PTPRZ1: variants seen among roughly 807,000 people sequenced by gnomAD.
The protein encoded by PTPRZ1 is protein tyrosine phosphatase receptor type Z1.
Under a neutral mutation model 214.1 loss-of-function variants are expected in PTPRZ1, and 82 were observed. That is an observed-to-expected ratio of 0.38 (90% CI 0.32 to 0.46). PTPRZ1 has a LOEUF of 0.46. PTPRZ1 is among the 20% of genes least tolerant of loss of function. The pLI is 1.00. For synonymous variants in PTPRZ1, 945 were observed against 987.9 expected (o/e 0.96, Z 0.81); for missense variants, 2,603 against 2,748.7 (o/e 0.95, Z 1.19).
intron 6 of PTPRZ1, among the ~76,000 whole-genome samples, chr7:121,982,828 C>T (rs577287024): frequency 3.2e-4 from 48 of 151,874 alleles, no homozygotes; most frequent in Non-Finnish European, 5.7e-4. Flanking sequence ...GGCTGGAGTG[C>T]GGTGGCGCCA....
At chr7:121,903,969 C>CACACAA (rs149922717) in intron 1 of PTPRZ1, among the ~76,000 whole-genome samples, 19 of 142,294 alleles carry the variant, frequency 1.3e-4, no homozygotes, top group Non-Finnish European at 2.6e-4. Context: ...TTAAATCTCA[C>CACACAA]ACACACACAC....
intron 8 of PTPRZ1, among the ~76,000 whole-genome samples, chr7:121,991,402 A>C (rs578003494): frequency 4.2e-4 from 64 of 152,350 alleles, no homozygotes; most frequent in Admixed American, 1.4e-3. Context: ...TAATATATTT[A>C]ATACAAACTT....
intron 1 of PTPRZ1, among the ~76,000 whole-genome samples, chr7:121,926,997 T>C (rs55767212): frequency 0.2 from 29,676 of 152,140 alleles, 3,067 homozygotes; most frequent in Admixed American, 0.24. Flanking sequence ...GCCTGCCTTT[T>C]AGTTTTTATA....
chr7:122,037,054 C>T (rs963078068), intron 18 of PTPRZ1, among the ~76,000 whole-genome samples: 6 of 151,914 alleles, frequency 3.9e-5, no homozygotes, highest in East Asian at 1.9e-4. Context: ...AGGCGGATCA[C>T]GAGGTCAGAA....
At chr7:121,995,378 C>T (rs1287292164) in intron 8 of PTPRZ1, among the ~76,000 whole-genome samples, 1 of 152,084 alleles carries the variant, frequency 6.6e-6, no homozygotes, top group Non-Finnish European at 1.5e-5. Context: ...TCTTTCTCTC[C>T]CTCTGCTTTG....
At chr7:121,914,920 G>A (rs1038816385) in intron 1 of PTPRZ1, among the ~76,000 whole-genome samples, 4 of 152,134 alleles carry the variant, frequency 2.6e-5, no homozygotes, top group Non-Finnish European at 4.4e-5. Flanking sequence ...TTCTTGTTAC[G>A]TCTACAATTA....
intron 27 of PTPRZ1, among the ~76,000 whole-genome samples, chr7:122,055,793 A>G (rs575874099): frequency 4.8e-4 from 73 of 152,072 alleles, no homozygotes; most frequent in Admixed American, 3.7e-3. Context: ...TGAGATTCAG[A>G]GTACCTTCTC....
At chr7:121,952,204 G>C (rs1796567913) in intron 2 of PTPRZ1, among the ~76,000 whole-genome samples, 1 of 151,974 alleles carries the variant, frequency 6.6e-6, no homozygotes, top group Non-Finnish European at 1.5e-5. Context: ...GTGATTGGCC[G>C]GCCTCGGCCT....
intron 1 of PTPRZ1, among the ~76,000 whole-genome samples, chr7:121,903,891 A>T (rs1795039765): frequency 6.6e-6 from 1 of 152,196 alleles, no homozygotes; most frequent in Non-Finnish European, 1.5e-5. Flanking sequence ...ACAAAATAGC[A>T]GAATAAATTA....
At chr7:122,044,990 T>C (rs1799844194) in intron 23 of PTPRZ1, among the ~76,000 whole-genome samples, 1 of 152,000 alleles carries the variant, frequency 6.6e-6, no homozygotes, top group Non-Finnish European at 1.5e-5. Context: ...TTGAAACCCC[T>C]GGACCAAAGT....
At chr7:121,909,284 A>C (rs1261366710) in intron 1 of PTPRZ1, among the ~76,000 whole-genome samples, 2 of 152,134 alleles carry the variant, frequency 1.3e-5, no homozygotes, top group Admixed American at 1.3e-4. Flanking sequence ...CATGGGATTC[A>C]GGAAACCAGA....
intron 8 of PTPRZ1, among the ~76,000 whole-genome samples, chr7:121,988,222 G>A (rs1025477641): frequency 6.6e-6 from 1 of 152,094 alleles, no homozygotes; most frequent in Non-Finnish European, 1.5e-5. Context: ...CCCTTCGTTT[G>A]CCAAAACATA....
At position 121,972,699 on chromosome 7, in the gene PTPRZ1, C is replaced by T. The variant is rs1563044599; in HGVS notation, c.456+7C>T. The T allele has an allele frequency of 6.3e-7, 1 of 1,595,934 alleles. No homozygotes were observed. The highest frequency in any genetic ancestry group is 1.7e-5 in the Admixed American group (1 of 58,476). ...ACAAAAATTTCCACTTGAGGTAAGT[C>T]AGGAGATCTGCTGTGTACTATTTTA... is the stretch of plus-strand genomic sequence containing the variant. On this transcript the variant is annotated splice_region_variant and intron_variant, in intron 4 of 29. Transcript: ENST00000393386.
In PTPRZ1 at chr7:122,056,277, GC is replaced by G. The variant is rs1207563291; in HGVS notation, c.6528+1191del. Among the ~76,000 whole-genome samples the G allele has an allele frequency of 2.0e-5, 3 of 151,776 alleles. No homozygotes were observed. The East Asian group carries it at 5.8e-4, about 29-fold the overall frequency. On this transcript the variant is annotated intron_variant, in intron 27 of 29. Coordinates refer to ENST00000393386, the MANE Select transcript of PTPRZ1 (RefSeq NM_002851.3). Reference sequence around the variant, plus strand: ...CTGATCATGTTTAATATCTTGCTCAGCACTGGGAAATTAGCACTGTTTTTCT... The same window carrying G: ...CTGATCATGTTTAATATCTTGCTCAGACTGGGAAATTAGCACTGTTTTTCT...
At chr7:121,939,560 A>G (rs558049081) in intron 2 of PTPRZ1, among the ~76,000 whole-genome samples, 1 of 152,350 alleles carries the variant, frequency 6.6e-6, no homozygotes, top group East Asian at 1.9e-4. Flanking sequence ...CTCATATATC[A>G]TTCAGATTTT....
chr7:122,007,301 T>G (rs1798522306), intron 11 of PTPRZ1, among the ~76,000 whole-genome samples: 1 of 152,122 alleles, frequency 6.6e-6, no homozygotes, highest in Admixed American at 6.6e-5. Flanking sequence ...TCTAATTCTT[T>G]GAGCTGGAAG....
At chr7:121,900,398 C>T (rs1794922204) in intron 1 of PTPRZ1, among the ~76,000 whole-genome samples, 2 of 152,128 alleles carry the variant, frequency 1.3e-5, no homozygotes, top group African/African-American at 4.8e-5. Context: ...TTTGATGTGC[C>T]TCTTCTATTT....
intron 1 of PTPRZ1, among the ~76,000 whole-genome samples, chr7:121,896,690 G>A (rs541679392): frequency 5.3e-5 from 8 of 151,842 alleles, no homozygotes; most frequent in Non-Finnish European, 1.0e-4. Context: ...GGAGAATGGC[G>A]TGAACCCAGG....
At chr7:121,933,272 T>C (rs1028441719) in intron 2 of PTPRZ1, among the ~76,000 whole-genome samples, 1 of 152,064 alleles carries the variant, frequency 6.6e-6, no homozygotes, top group Non-Finnish European at 1.5e-5. Flanking sequence ...AGATCTTTGA[T>C]TGCAACCTCA....
Sources: gnomAD v4.1 joint callset for allele counts (sites outside exome capture counted in the v4.1 genomes callset) on GRCh38, gnomAD v4.1.1 for gene constraint, MANE v1.5 for transcripts, NCBI Gene and HGNC (gene_info 2026-07-23, HGNC 2026-07-21) for gene names.